Variants in COL6A2 observed in about 807,000 individuals in gnomAD.
COL6A2 encodes collagen type VI alpha 2 chain.
In COL6A2, 90 loss-of-function variants were observed where a neutral mutation model predicts 124.9. The observed-to-expected ratio is 0.72, with a 90% CI of 0.61 to 0.86. The LOEUF (loss-of-function observed/expected upper bound fraction) is 0.86. COL6A2 is among the 40% of genes least tolerant of loss of function. The pLI is 0.00. For missense variants in COL6A2, 1,607 were observed against 1,502.5 expected (o/e 1.07, Z -1.15); for synonymous variants, 793 against 618.2 (o/e 1.28, Z -4.19).
Position 46,131,955 on chromosome 21 carries a change from G to C in COL6A2, c.2463G>C (p.Glu821Asp). ...GCCCGCACCTGCGTCTCCCCACAGAGCTGTCCGTGGCACAGTGCACGCAGC... is the reference window on the plus strand; with the variant it reads ...GCCCGCACCTGCGTCTCCCCACAGACCTGTCCGTGGCACAGTGCACGCAGC... ...IVCPDLPCQT[E>D]LSVAQCTQRP... Residue 821 changes from glutamate (E) to aspartate (D), a missense_variant and splice_region_variant, in exon 28 of 28, where the codon GAG (glutamate) becomes GAC (aspartate). Glu to Asp is a conservative substitution (Grantham distance 45). Transcript: ENST00000300527. 2.5e-6 allele frequency: 4 copies of C among 1,599,272 alleles called. No individual in the cohort carries two copies. Among genetic ancestry groups the C allele is most frequent in the Non-Finnish European group, 3.4e-6 (4 of 1,175,150 alleles).
intron 27 of COL6A2, among the ~76,000 whole-genome samples, chr21:46,127,867 G>A (rs1348527400): frequency 6.6e-6 from 1 of 152,186 alleles, no homozygotes; most frequent in Non-Finnish European, 1.5e-5. Context: ...CATTGTAGTT[G>A]GGAGTTAGTT....
chr21:46,115,142 C>T (rs926099295), intron 5 of COL6A2, among the ~76,000 whole-genome samples: 1 of 152,218 alleles, frequency 6.6e-6, no homozygotes, highest in African/African-American at 2.4e-5. Flanking sequence ...CACAGCAGTG[C>T]AGTGACCCGT....
At chr21:46,112,700 G>A in intron 3 of COL6A2, 104 bp from the exon 4 acceptor site, 2 of 1,600,934 alleles carry the variant, frequency 1.2e-6, no homozygotes, top group East Asian at 2.2e-5. Flanking sequence ...CTCCGGGCAG[G>A]GCCTGGGCCA....
intron 1 of COL6A2, among the ~76,000 whole-genome samples, chr21:46,104,246 A>G (rs771401989): frequency 2.6e-5 from 4 of 152,220 alleles, no homozygotes; most frequent in Non-Finnish European, 4.4e-5. Context: ...TGAAAGAACT[A>G]TCTTAAAGAT....
intron 23 of COL6A2, 91 bp from the exon 24 acceptor site, chr21:46,125,174 TG>T: frequency 7.7e-7 from 1 of 1,297,084 alleles, no homozygotes; most frequent in Non-Finnish European, 1.1e-6. Context: ...ACACGTGGGC[TG>T]GAATGTCCCG....
rs746813751 is a variant in COL6A2 at position 46,119,967 on chromosome 21, C to T, written c.1332+117C>T. On this transcript the variant is annotated intron_variant, in intron 15 of 27. Transcript: ENST00000300527. Reference sequence around the variant, plus strand: ...AACAGAACCCCAGGGCCTCACTCTCCAGAGTTCACTCTCTGCAGAGTCTGG... The same window carrying T: ...AACAGAACCCCAGGGCCTCACTCTCTAGAGTTCACTCTCTGCAGAGTCTGG... 8.9e-6 allele frequency: 8 copies of T among 899,346 alleles called. No individual in the cohort carries two copies. The South Asian group carries it at 9.9e-5, about 11-fold the overall frequency. The allele number at this position is 899,346 out of a possible 1,614,324, so 55.7% of individuals were successfully genotyped here. A position where few individuals can be genotyped will look rare whatever the true frequency, so the allele number is the denominator to read the frequency against.
Position 46,126,329 on chromosome 21 carries a change from A to G in COL6A2, c.2422+92A>G. Reference sequence around the variant, plus strand: ...CCCAGGGACACCCCTCACCTGAGGGATGAATGTGCAGCCCAGGATCTTGGG... The same window carrying G: ...CCCAGGGACACCCCTCACCTGAGGGGTGAATGTGCAGCCCAGGATCTTGGG... On this transcript the variant is annotated intron_variant, in intron 26 of 27. Transcript: ENST00000300527. The G allele has an allele frequency of 2.0e-6, 3 of 1,525,418 alleles. No homozygotes were observed. In the South Asian group the frequency reaches 3.4e-5, roughly 17 times the overall value. 94.5% of individuals were successfully genotyped at this position (1,525,418 alleles called of 1,614,324 possible).
At chr21:46,124,741 TC>T (rs775247222) in intron 22 of COL6A2, 28 bp downstream of exon 22, 3 of 1,607,798 alleles carry the variant, frequency 1.9e-6, no homozygotes, top group Non-Finnish European at 2.6e-6. Context: ...CCCCATGCCC[TC>T]CCCCCAACCT....
At chr21:46,126,630 C>G in intron 27 of COL6A2, 89 bp downstream of exon 27, 1 of 1,507,774 alleles carries the variant, frequency 6.6e-7, no homozygotes. Flanking sequence ...GGGGAGGGGC[C>G]GTGCAGGGAC....
rs1256020213 is a variant in COL6A2 at position 46,116,916 on chromosome 21, T to TACAC, written c.999+105_999+108dup. On this transcript the variant is annotated intron_variant, in intron 10 of 27. Coordinates refer to ENST00000300527, the MANE Select transcript of COL6A2 (RefSeq NM_001849.4). The surrounding 1 kb of genome is among the most constrained non-coding windows in gnomAD (Gnocchi z 4.6). ...CCTGATCTGTCAGCTTACACATGTG[T>TACAC]ACACACGCATACACACACACACACA... 3 of 803,924 alleles carry TACAC rather than the reference T, an allele frequency of 3.7e-6. No individual in the cohort carries two copies. Among genetic ancestry groups the TACAC allele is most frequent in the Non-Finnish European group, 5.9e-6 (3 of 509,386 alleles). The allele number at this position is 803,924 out of a possible 1,614,324, so 49.8% of individuals were successfully genotyped here. A position where few individuals can be genotyped will look rare whatever the true frequency, so the allele number is the denominator to read the frequency against.
At position 46,125,788 on chromosome 21, in the gene COL6A2, C is replaced by T. The variant is rs758788067; in HGVS notation, c.1973C>T (p.Thr658Met). 1.5e-5 allele frequency: 24 copies of T among 1,611,232 alleles called. No homozygotes were observed. Among genetic ancestry groups the T allele is most frequent in the Middle Eastern group, 1.6e-4 (1 of 6,080 alleles). The change falls in exon 26 of 28, where the codon ACG becomes ATG. Residue 658 changes from threonine (T) to methionine (M), a missense_variant. Thr to Met is a moderately conservative substitution (Grantham distance 81). Transcript: ENST00000300527. ...IAKDPKSETG[T>M]RVGVVQYSHE... The stretch of plus-strand genomic sequence containing the variant: ...ACCTCACGCGTGCGGCTTGCAGGGA[C>T]GCGTGTGGGCGTGGTGCAGTACAGC...
At chr21:46,102,792 T>A (rs2078301478) in intron 1 of COL6A2, among the ~76,000 whole-genome samples, 1 of 152,122 alleles carries the variant, frequency 6.6e-6, no homozygotes, top group Non-Finnish European at 1.5e-5. Flanking sequence ...TTTAATTGCA[T>A]CAAATTATAC....
Position 46,116,877 on chromosome 21 carries a change from GC to G in COL6A2, c.999+68del. On this transcript the variant is annotated intron_variant, in intron 10 of 27. Transcript: ENST00000300527. The surrounding 1 kb of genome is among the most constrained non-coding windows in gnomAD (Gnocchi z 4.6). Reference sequence around the variant, plus strand: ...ACAGAGGCATCCCAGCCTCTGCAGGGCCCCCAGATCCAGCCTGATCTGTCAG... The same window carrying G: ...ACAGAGGCATCCCAGCCTCTGCAGGGCCCCAGATCCAGCCTGATCTGTCAG... The G allele has an allele frequency of 6.4e-7, 1 of 1,569,694 alleles. No homozygotes were observed. Among genetic ancestry groups the G allele is most frequent in the Non-Finnish European group, 8.8e-7 (1 of 1,142,030 alleles).
chr21:46,128,834 T>C (rs901612669), intron 27 of COL6A2: 3 of 1,326,184 alleles, frequency 2.3e-6, no homozygotes, highest in African/African-American at 2.9e-5. Context: ...GAGGGGTGGC[T>C]GGGGTCTTCC....
In COL6A2 at chr21:46,132,525, C is replaced by G. The variant is rs552124568; in HGVS notation, c.3033C>G (p.Phe1011Leu). The G allele has an allele frequency of 1.9e-6, 3 of 1,605,728 alleles. No individual in the cohort carries two copies. The African/African-American group carries it at 4.0e-5, about 21-fold the overall frequency. The change falls in exon 28 of 28, where the codon TTC becomes TTG. Residue 1011 changes from phenylalanine (F) to leucine (L), a missense_variant. Around this residue, in one of 3 missense-constraint regions of COL6A2, gnomAD observed 1,223 missense variants for 1,052.2 expected, o/e 1.16. Coordinates refer to ENST00000300527, the MANE Select transcript of COL6A2 (RefSeq NM_001849.4). ...ACAGCCTGGCGCAACCCGGCTTCTT[C>G]GACCGCTTCATCCGCTGGATCTGCT... is the stretch of plus-strand genomic sequence containing the variant. ...DYDSLAQPGFFDRFIRWIC is the reference protein window; with the variant it reads ...DYDSLAQPGFLDRFIRWIC
At chr21:46,100,438 T>A (rs1215386886) in intron 1 of COL6A2, among the ~76,000 whole-genome samples, 1 of 152,238 alleles carries the variant, frequency 6.6e-6, no homozygotes, top group African/African-American at 2.4e-5. Context: ...TAACCATTTT[T>A]AAGTGTGCAG....
intron 5 of COL6A2, among the ~76,000 whole-genome samples, chr21:46,115,550 C>A (rs2078458156): frequency 6.6e-6 from 1 of 152,170 alleles, no homozygotes; most frequent in Non-Finnish European, 1.5e-5. Context: ...AATCAGAGCC[C>A]AGTGTTGGCC....
chr21:46,124,787 G>T, intron 22 of COL6A2, 74 bp downstream of exon 22: 2 of 1,598,772 alleles, frequency 1.3e-6, no homozygotes, highest in South Asian at 2.2e-5. Context: ...TCGTGGTTCT[G>T]CCCACGGTGG....
chr21:46,118,795 G>C (rs1410548028), intron 13 of COL6A2, 119 bp downstream of exon 13: 1 of 1,259,546 alleles, frequency 7.9e-7, no homozygotes, highest in African/African-American at 1.5e-5. Flanking sequence ...TTGGGCTCTG[G>C]GGACACGGGG....
Sources: allele counts gnomAD v4.1 joint callset (sites outside exome capture counted in the v4.1 genomes callset), GRCh38; gene constraint gnomAD v4.1.1; regional missense constraint gnomAD v4.1.1; non-coding constraint Gnocchi (gnomAD v3.1); transcripts MANE v1.5; gene names NCBI Gene and HGNC (gene_info 2026-07-23, HGNC 2026-07-21).